The following CTNND2 variants were observed in gnomAD, a reference collection of about 807,000 sequenced individuals.
CTNND2 encodes catenin delta-2.
A neutral mutation model predicts 144.4 loss-of-function variants in CTNND2; 22 were observed. That is an observed-to-expected ratio of 0.15 (90% CI 0.11 to 0.22). The LOEUF (loss-of-function observed/expected upper bound fraction) is 0.22, where lower values mean the gene tolerates loss of function less well. Ranked by LOEUF, CTNND2 falls within the 10% of genes least tolerant of loss-of-function variation. The pLI is 1.00. For synonymous variants in CTNND2, 751 were observed against 695.6 expected (o/e 1.08, Z -1.25); for missense variants, 1,353 against 1,618.8 (o/e 0.84, Z 2.82).
rs1176874137 is a variant in CTNND2, at chr5:11,418,990, A to ATC, written c.288-6923_288-6922dup. On this transcript the variant is annotated intron_variant, in intron 3 of 21. Transcript: ENST00000304623. ...TATACACATTAATACATATACATGC[A>ATC]TCTCTCTATATATATATATCTATAT... 5.7e-4 allele frequency among the ~76,000 whole-genome samples: 86 copies of ATC among 150,196 alleles called. 1 individual carries two copies. In the Middle Eastern group the frequency reaches 0.018, roughly 31 times the overall value.
chr5:11,830,741 A>C (rs1360654547), intron 1 of CTNND2, among the ~76,000 whole-genome samples: 1 of 152,182 alleles, frequency 6.6e-6, no homozygotes, highest in African/African-American at 2.4e-5. Flanking sequence ...AAATGGAGGA[A>C]GCTGGGAACC....
intron 3 of CTNND2, among the ~76,000 whole-genome samples, chr5:11,442,238 T>G (rs1405211419): frequency 6.6e-6 from 1 of 152,194 alleles, no homozygotes; most frequent in Non-Finnish European, 1.5e-5. Flanking sequence ...CTTACTACTT[T>G]TCTTACTAGC....
chr5:11,300,441 A>G (rs1749468617), intron 9 of CTNND2, among the ~76,000 whole-genome samples: 1 of 152,232 alleles, frequency 6.6e-6, no homozygotes, highest in African/African-American at 2.4e-5. Context: ...AGTCGGGTCC[A>G]GCTTCCTTGT....
Position 11,670,576 on chromosome 5 carries a change from C to T in CTNND2, c.174+61560G>A, listed in dbSNP as rs555568744. Among the ~76,000 whole-genome samples the T allele has an allele frequency of 2.6e-5, 4 of 152,256 alleles. No individual in the cohort carries two copies. The South Asian group carries it at 8.3e-4, about 32-fold the overall frequency. On this transcript the variant is annotated intron_variant, in intron 2 of 21. Coordinates refer to ENST00000304623, the MANE Select transcript of CTNND2 (RefSeq NM_001332.4). ...TCAGAGACAAGACTAGGATTGCAAGCTCTGCTTTCTTTTGCTTTCCATTTG... is the reference window on the plus strand; with the variant it reads ...TCAGAGACAAGACTAGGATTGCAAGTTCTGCTTTCTTTTGCTTTCCATTTG...
At chr5:11,393,582 T>C (rs1759819284) in intron 6 of CTNND2, among the ~76,000 whole-genome samples, 1 of 152,094 alleles carries the variant, frequency 6.6e-6, no homozygotes, top group Non-Finnish European at 1.5e-5. Context: ...TTTATGTGAG[T>C]GGAAAAAGCC....
chr5:11,727,932 A>G (rs1787111268), intron 2 of CTNND2, among the ~76,000 whole-genome samples: 1 of 152,224 alleles, frequency 6.6e-6, no homozygotes, highest in African/African-American at 2.4e-5. Context: ...AAGAAAACTA[A>G]TTAAGGGAGT....
At chr5:11,522,857 T>C (rs940740781) in intron 3 of CTNND2, among the ~76,000 whole-genome samples, 2 of 152,128 alleles carry the variant, frequency 1.3e-5, no homozygotes, top group African/African-American at 4.8e-5. Flanking sequence ...CTATGATAAA[T>C]ACTGTCTCAA....
chr5:11,413,917 C>T (rs1461150077), intron 3 of CTNND2, among the ~76,000 whole-genome samples: 1 of 152,136 alleles, frequency 6.6e-6, no homozygotes, highest in Non-Finnish European at 1.5e-5. Context: ...GGGCCTTCCT[C>T]TCTCAAAAGA....
chr5:11,030,345 T>A (rs754947713), intron 16 of CTNND2, among the ~76,000 whole-genome samples: 12 of 152,212 alleles, frequency 7.9e-5, no homozygotes, highest in Non-Finnish European at 1.6e-4. Flanking sequence ...CCTTTCCCAC[T>A]TTTTTTCTCC....
chr5:11,782,948 T>G lies in CTNND2; in HGVS notation c.38-50676A>C, dbSNP rs542075535. ...TCAGATGAAAGGACATAACAAGTTC[T>G]CTTTTGGTGCTGGTCTAGTGGACAT... is the stretch of plus-strand genomic sequence containing the variant. On this transcript the variant is annotated intron_variant, in intron 1 of 21. Transcript: ENST00000304623. Among the ~76,000 whole-genome samples the G allele has an allele frequency of 9.2e-5, 14 of 152,284 alleles. 1 individual carries two copies. In the East Asian group the frequency reaches 2.7e-3, roughly 29 times the overall value.
chr5:11,716,369 T>C (rs957429581), intron 2 of CTNND2, among the ~76,000 whole-genome samples: 1 of 152,228 alleles, frequency 6.6e-6, no homozygotes, highest in Non-Finnish European at 1.5e-5. Context: ...CATTTATTTA[T>C]GTGTATGTTA....
chr5:11,539,012 T>C (rs572776208), intron 3 of CTNND2, among the ~76,000 whole-genome samples: 2 of 152,250 alleles, frequency 1.3e-5, no homozygotes, highest in South Asian at 4.2e-4. Flanking sequence ...GCTATTAAGA[T>C]TCATTAATAT....
intron 1 of CTNND2, among the ~76,000 whole-genome samples, chr5:11,843,780 C>G (rs148483711): frequency 6.6e-6 from 1 of 152,212 alleles, no homozygotes; most frequent in East Asian, 1.9e-4. Flanking sequence ...CTCTTTGACT[C>G]TATTTGGATC....
chr5:11,730,621 G>A (rs554550308), intron 2 of CTNND2, among the ~76,000 whole-genome samples: 184 of 152,230 alleles, frequency 1.2e-3, no homozygotes, highest in Non-Finnish European at 2.2e-3. Flanking sequence ...GTTTGATCCA[G>A]TTTGCCAAAG....
chr5:11,114,853 G>A (rs947873546), intron 13 of CTNND2, among the ~76,000 whole-genome samples: 24 of 152,254 alleles, frequency 1.6e-4, no homozygotes, highest in South Asian at 6.2e-4. Context: ...GCTCAAAAGC[G>A]GCCAAGCAGA....
intron 3 of CTNND2, among the ~76,000 whole-genome samples, chr5:11,483,439 G>T (rs1358641447): frequency 6.6e-6 from 1 of 152,154 alleles, no homozygotes; most frequent in Non-Finnish European, 1.5e-5. Flanking sequence ...GAGAATTGTG[G>T]GCTACACATC....
chr5:11,055,266 G>T (rs1329979254), intron 16 of CTNND2, among the ~76,000 whole-genome samples: 1 of 152,230 alleles, frequency 6.6e-6, no homozygotes, highest in African/African-American at 2.4e-5. Context: ...AAACTTAAAA[G>T]AAGCCTTTTC....
intron 9 of CTNND2, among the ~76,000 whole-genome samples, chr5:11,245,500 C>T (rs1315455668): frequency 1.3e-5 from 2 of 152,078 alleles, no homozygotes. Flanking sequence ...GGCCATGCTG[C>T]TGTGCTGAGC....
At chr5:11,897,484 G>A (rs1227126836) in intron 1 of CTNND2, among the ~76,000 whole-genome samples, 1 of 152,126 alleles carries the variant, frequency 6.6e-6, no homozygotes, top group Admixed American at 6.5e-5. Flanking sequence ...GGCAGAAAAA[G>A]CTGTGGAAAA....
Sources: allele counts gnomAD v4.1 joint callset (sites outside exome capture counted in the v4.1 genomes callset), GRCh38; gene constraint gnomAD v4.1.1; transcripts MANE v1.5; gene names NCBI Gene and HGNC (gene_info 2026-07-23, HGNC 2026-07-21).